Variants in SV2C observed in about 807,000 individuals in gnomAD.
SV2C encodes solute carrier family 22 member B3.
A neutral mutation model predicts 79.7 loss-of-function variants in SV2C; 49 were observed. That is an observed-to-expected ratio of 0.61 (90% CI 0.49 to 0.78). The LOEUF (loss-of-function observed/expected upper bound fraction) is 0.78, where lower values mean the gene tolerates loss of function less well. Among genes scored for constraint, SV2C ranks in the 30% least tolerant of loss-of-function variants. The pLI is 0.00. For missense variants in SV2C, 833 were observed against 912.9 expected (o/e 0.91, Z 1.13); for synonymous variants, 334 against 333.2 (o/e 1.00, Z -0.03).
chr5:76,237,050 G>C (rs1745638145), intron 4 of SV2C, among the ~76,000 whole-genome samples: 1 of 152,174 alleles, frequency 6.6e-6, no homozygotes, highest in African/African-American at 2.4e-5. Flanking sequence ...CTTCAATCAT[G>C]ATTGTAAGCT....
At chr5:76,244,657 AC>A (rs763951640) in intron 4 of SV2C, among the ~76,000 whole-genome samples, 45 of 152,106 alleles carry the variant, frequency 3.0e-4, no homozygotes, top group Non-Finnish European at 4.0e-4. Flanking sequence ...TTTATTGGAA[AC>A]CCTTGTTCTA....
At chr5:75,884,898 T>A in the SV2C span, among the ~76,000 whole-genome samples, 10 of 152,026 alleles carry the variant, frequency 6.6e-5, no homozygotes, top group Non-Finnish European at 1.5e-4. Flanking sequence ...AAATACTGAA[T>A]CTTCAGAGTA....
chr5:75,930,653 A>C, the SV2C span, among the ~76,000 whole-genome samples: 4 of 152,350 alleles, frequency 2.6e-5, no homozygotes, highest in African/African-American at 9.6e-5. Context: ...AATTGATGAT[A>C]TGGAAGTTGG....
chr5:76,222,621 C>T (rs997603525), intron 4 of SV2C, among the ~76,000 whole-genome samples: 58 of 152,210 alleles, frequency 3.8e-4, no homozygotes, highest in African/African-American at 1.3e-3. Flanking sequence ...TCCATGCTTT[C>T]GATGTTGTCT....
At chr5:76,001,138 T>G in the SV2C span, among the ~76,000 whole-genome samples, 4 of 151,972 alleles carry the variant, frequency 2.6e-5, no homozygotes, top group Non-Finnish European at 4.4e-5. Flanking sequence ...CTGAGCCTGG[T>G]GATGCACCAA....
At chr5:76,117,781 T>G (rs1382404251) in intron 1 of SV2C, among the ~76,000 whole-genome samples, 1 of 152,100 alleles carries the variant, frequency 6.6e-6, no homozygotes, top group African/African-American at 2.4e-5. Context: ...AAAACTAAAG[T>G]TAATTAGAAC....
At chr5:75,999,711 C>T in the SV2C span, among the ~76,000 whole-genome samples, 1 of 151,082 alleles carries the variant, frequency 6.6e-6, no homozygotes, top group South Asian at 2.1e-4. Flanking sequence ...AAAAAAAATA[C>T]CACAGGCTGA....
At chr5:76,217,210 G>A (rs375345541) in intron 4 of SV2C, among the ~76,000 whole-genome samples, 4 of 152,076 alleles carry the variant, frequency 2.6e-5, no homozygotes, top group Non-Finnish European at 5.9e-5. Context: ...CCCACCCTAC[G>A]TCTCCAGCCA....
chr5:76,266,598 C>G (rs1157698188), intron 4 of SV2C, among the ~76,000 whole-genome samples: 1 of 152,072 alleles, frequency 6.6e-6, no homozygotes, highest in African/African-American at 2.4e-5. Flanking sequence ...CATGAGCTCC[C>G]TAGAATAGGC....
intron 2 of SV2C, among the ~76,000 whole-genome samples, chr5:76,162,610 ATC>A (rs1742930016): frequency 3.3e-5 from 5 of 152,284 alleles, no homozygotes; most frequent in African/African-American, 1.2e-4. Flanking sequence ...AAGATGGATT[ATC>A]TCTGTATTTT....
At chr5:76,315,986 T>C (rs972851153) in intron 12 of SV2C, among the ~76,000 whole-genome samples, 5 of 152,214 alleles carry the variant, frequency 3.3e-5, no homozygotes, top group Non-Finnish European at 1.5e-5. Flanking sequence ...AAGGTGTTAA[T>C]TGCAGAATCA....
chr5:75,925,770 A>C, the SV2C span, among the ~76,000 whole-genome samples: 2 of 152,034 alleles, frequency 1.3e-5, no homozygotes, highest in African/African-American at 4.8e-5. Context: ...AAAAAAGCAC[A>C]AAGAACATAG....
intron 1 of SV2C, among the ~76,000 whole-genome samples, chr5:76,121,776 G>T (rs1210984574): frequency 6.6e-6 from 1 of 151,788 alleles, no homozygotes; most frequent in Non-Finnish European, 1.5e-5. Context: ...CTGTAGCCTT[G>T]TAGTATAGTT....
the SV2C span, among the ~76,000 whole-genome samples, chr5:76,016,320 G>C: frequency 7.1e-6 from 1 of 141,512 alleles, no homozygotes; most frequent in Non-Finnish European, 1.5e-5. Flanking sequence ...TGACATTCCT[G>C]ACCACTGTGC....
At chr5:75,951,401 G>C in the SV2C span, among the ~76,000 whole-genome samples, 1 of 151,964 alleles carries the variant, frequency 6.6e-6, no homozygotes, top group Non-Finnish European at 1.5e-5. Flanking sequence ...GCTTTTGCCT[G>C]CTGGGAAACA....
chr5:75,902,467 C>T, the SV2C span, among the ~76,000 whole-genome samples: 1 of 152,214 alleles, frequency 6.6e-6, no homozygotes, highest in Non-Finnish European at 1.5e-5. Context: ...TCCCTTTCAC[C>T]TCTAGGTTTC....
At chr5:76,129,324 G>C (rs1188254686) in intron 1 of SV2C, among the ~76,000 whole-genome samples, 1 of 152,130 alleles carries the variant, frequency 6.6e-6, no homozygotes, top group African/African-American at 2.4e-5. Context: ...ACAAACTAAA[G>C]AACAAGTCTC....
intron 12 of SV2C, among the ~76,000 whole-genome samples, chr5:76,351,529 C>G (rs1193212474): frequency 2.0e-5 from 3 of 152,162 alleles, no homozygotes; most frequent in Non-Finnish European, 4.4e-5. Context: ...TGGGGTGTCC[C>G]TCTTCCCACA....
the SV2C span, among the ~76,000 whole-genome samples, chr5:75,984,598 C>CCTACCTATCTATCTATCTATCTATCTAT: frequency 5.0e-4 from 41 of 82,472 alleles, no homozygotes; most frequent in African/African-American, 1.6e-3. Flanking sequence ...TATCTATCTA[C>CCTACCTATCTATCTATCTATCTATCTAT]CTATCTATCT....
Sources: gnomAD v4.1 joint callset for allele counts (sites outside exome capture counted in the v4.1 genomes callset) on GRCh38, gnomAD v4.1.1 for gene constraint, MANE v1.5 for transcripts, NCBI Gene and HGNC (gene_info 2026-07-23, HGNC 2026-07-21) for gene names.